TANC2: variants seen among roughly 807,000 people sequenced by gnomAD.
The protein encoded by TANC2 is tetratricopeptide repeat, ankyrin repeat and coiled-coil containing 2, also known as protein TANC2.
A neutral mutation model predicts 210.5 loss-of-function variants in TANC2; 26 were observed. That is an observed-to-expected ratio of 0.12 (90% CI 0.09 to 0.17). TANC2 has a LOEUF of 0.17. Ranked by LOEUF, TANC2 falls within the 10% of genes least tolerant of loss-of-function variation. TANC2 has a pLI of 1.00. For missense variants in TANC2, 2,129 were observed against 2,608.9 expected, an observed-to-expected ratio of 0.82 and a Z score of 4.01; for synonymous variants, 931 against 967.1, an observed-to-expected ratio of 0.96 and a Z score of 0.69.
At chr17:63,358,253 G>A (rs576151155) in intron 14 of TANC2, among the ~76,000 whole-genome samples, 2 of 152,114 alleles carry the variant, frequency 1.3e-5, no homozygotes, top group Non-Finnish European at 2.9e-5. Context: ...CTCAGAATCT[G>A]GGCAAGGACT....
Position 63,420,059 on chromosome 17 carries a change from T to C in TANC2, c.4329T>C (p.Arg1443=). Reference sequence around the variant, plus strand: ...CCATCAAGCTGTGTCCCAACAACCGTGAGATCCAGAGACTTCTGCTGAGAG... The same window carrying C: ...CCATCAAGCTGTGTCCCAACAACCGCGAGATCCAGAGACTTCTGCTGAGAG... Residue 1443 remains arginine, a synonymous_variant, in exon 28 of 28, where the codon CGT becomes CGC. Coordinates refer to ENST00000689528, the Ensembl canonical transcript of TANC2. This position sits in a 1 kb window ranked among gnomAD's most constrained non-coding sequence, Gnocchi z 4.2. The C allele has an allele frequency of 6.4e-7, 1 of 1,551,954 alleles. No homozygotes were observed. The highest frequency in any genetic ancestry group is 1.2e-5 in the South Asian group (1 of 84,042).
At chr17:63,020,544 G>C (rs1598267068) in intron 2 of TANC2, among the ~76,000 whole-genome samples, 1 of 151,988 alleles carries the variant, frequency 6.6e-6, no homozygotes, top group East Asian at 1.9e-4. Context: ...TTGATGGTGT[G>C]TTTAATTTCT....
chr17:63,411,411 G>A (rs987635087), intron 21 of TANC2, 100 bp from the exon 22 acceptor site: 30 of 1,169,262 alleles, frequency 2.6e-5, no homozygotes, highest in Non-Finnish European at 2.9e-5. Flanking sequence ...GTCCAGAAAC[G>A]AGCAGTGTTC....
Position 63,019,023 on chromosome 17 carries a change from G to A in TANC2, c.67+9397G>A, listed in dbSNP as rs573058784. On this transcript the variant is annotated intron_variant, in intron 2 of 27. Coordinates refer to ENST00000689528, the Ensembl canonical transcript of TANC2. Reference sequence around the variant, plus strand: ...GAAAAATATTAGTGTACAGGGTTTTGTATAAACATAATTTTTTATTTCTCT... The same window carrying A: ...GAAAAATATTAGTGTACAGGGTTTTATATAAACATAATTTTTTATTTCTCT... Among the ~76,000 whole-genome samples the A allele has an allele frequency of 3.9e-5, 6 of 152,234 alleles. No homozygotes were observed. The South Asian group carries it at 1.0e-3, about 26-fold the overall frequency.
chr17:63,303,776 T>C (rs1390408159), intron 9 of TANC2, among the ~76,000 whole-genome samples: 1 of 152,022 alleles, frequency 6.6e-6, no homozygotes, highest in Non-Finnish European at 1.5e-5. Context: ...CCATATTTCT[T>C]GGAGGTTTTT....
Position 63,287,276 on chromosome 17 carries a change from G to A in TANC2, c.1159+19403G>A, listed in dbSNP as rs901925508. ...TTTTATATCTAGAAGTTCAATTTGA[G>A]TCTTATAGCTTCCTTGTTCATACCT... On this transcript the variant is annotated intron_variant, in intron 9 of 27. Transcript: ENST00000689528. 7.9e-5 allele frequency among the ~76,000 whole-genome samples: 12 copies of A among 152,206 alleles called. No individual in the cohort carries two copies. In the East Asian group the frequency reaches 2.3e-3, roughly 29 times the overall value.
intron 25 of TANC2, among the ~76,000 whole-genome samples, chr17:63,413,841 C>G (rs764645609): frequency 6.6e-6 from 1 of 152,104 alleles, no homozygotes; most frequent in East Asian, 1.9e-4. Context: ...TGCAGCTGAT[C>G]AATCTAAAGC....
chr17:63,110,285 G>A (rs1598412330), intron 4 of TANC2, among the ~76,000 whole-genome samples: 1 of 151,496 alleles, frequency 6.6e-6, no homozygotes, highest in East Asian at 1.9e-4. Context: ...AAATTGTGTG[G>A]GTCTGGATTT....
intron 2 of TANC2, among the ~76,000 whole-genome samples, chr17:63,058,097 A>T (rs953454819): frequency 1.3e-5 from 2 of 152,014 alleles, no homozygotes; most frequent in African/African-American, 2.4e-5. Flanking sequence ...AGTATCTATC[A>T]TTTTTTTACT....
intron 10 of TANC2, among the ~76,000 whole-genome samples, chr17:63,315,197 G>A (rs888054079): frequency 3.3e-5 from 5 of 152,158 alleles, no homozygotes; most frequent in Admixed American, 1.3e-4. Flanking sequence ...CAACCAGGGG[G>A]CAGCCCAGTA....
At chr17:63,097,670 C>T (rs1212767877) in intron 3 of TANC2, among the ~76,000 whole-genome samples, 2 of 151,954 alleles carry the variant, frequency 1.3e-5, no homozygotes, top group Non-Finnish European at 2.9e-5. Context: ...AGCCCACGGG[C>T]TAGATAAGCT....
intron 8 of TANC2, among the ~76,000 whole-genome samples, chr17:63,248,293 A>G (rs1248191470): frequency 6.6e-6 from 1 of 152,058 alleles, no homozygotes; most frequent in East Asian, 1.9e-4. Flanking sequence ...TGAGGATTTC[A>G]AATATGAAGT....
chr17:63,071,167 G>A (rs556275378), intron 2 of TANC2, among the ~76,000 whole-genome samples: 1 of 152,282 alleles, frequency 6.6e-6, no homozygotes, highest in Admixed American at 6.5e-5. Flanking sequence ...TGTAAAGCAT[G>A]TATACCTAAG....
chr17:63,106,139 G>A (rs1002746595), intron 4 of TANC2, among the ~76,000 whole-genome samples: 5 of 151,442 alleles, frequency 3.3e-5, no homozygotes, highest in Admixed American at 6.6e-5. Flanking sequence ...TTGGAAAAAA[G>A]GGGGGGCCCT....
At chr17:63,055,480 T>C (rs1434315961) in intron 2 of TANC2, among the ~76,000 whole-genome samples, 1 of 152,144 alleles carries the variant, frequency 6.6e-6, no homozygotes, top group Non-Finnish European at 1.5e-5. Context: ...GATCTTTTTT[T>C]TATTTCTGCA....
At chr17:63,074,123 C>A in intron 3 of TANC2, 109 bp downstream of exon 3, 1 of 694,840 alleles carries the variant, frequency 1.4e-6, no homozygotes, top group South Asian at 2.8e-5. Flanking sequence ...TTTAGATATT[C>A]TAGTTTCTCA....
At chr17:63,187,794 A>T (rs1033946301) in intron 5 of TANC2, among the ~76,000 whole-genome samples, 4 of 152,116 alleles carry the variant, frequency 2.6e-5, no homozygotes, top group African/African-American at 9.7e-5. Context: ...GTGGAGAAAC[A>T]AAGATGACAG....
chr17:63,306,633 G>C (rs2044916854), intron 9 of TANC2, among the ~76,000 whole-genome samples: 1 of 152,150 alleles, frequency 6.6e-6, no homozygotes, highest in Non-Finnish European at 1.5e-5. Flanking sequence ...AATTCTCCAA[G>C]AGAAACAAAT....
At chr17:63,058,487 A>G (rs1181659932) in intron 2 of TANC2, among the ~76,000 whole-genome samples, 2 of 152,128 alleles carry the variant, frequency 1.3e-5, no homozygotes, top group Non-Finnish European at 2.9e-5. Flanking sequence ...TTGCCATGAC[A>G]TCTTTGCCAG....
Sources: allele counts gnomAD v4.1 joint callset (sites outside exome capture counted in the v4.1 genomes callset), GRCh38; gene constraint gnomAD v4.1.1; non-coding constraint Gnocchi (gnomAD v3.1); transcripts MANE v1.5; gene names NCBI Gene and HGNC (gene_info 2026-07-23, HGNC 2026-07-21).